Variants in CLASP2 observed in about 807,000 individuals in gnomAD.
The protein encoded by CLASP2 is CLIP-associating protein 2.
In CLASP2, 47 loss-of-function variants were observed where a neutral mutation model predicts 194.4. The ratio of observed to expected loss-of-function variants is 0.24; its 90% CI spans 0.19 to 0.31. The LOEUF (loss-of-function observed/expected upper bound fraction) is 0.31, where lower values mean the gene tolerates loss of function less well. Among genes scored for constraint, CLASP2 ranks in the 10% least tolerant of loss-of-function variants. CLASP2 has a pLI of 1.00. For missense variants in CLASP2, 1,445 were observed against 1,823.6 expected (o/e 0.79, Z 3.78); for synonymous variants, 619 against 633.5 (o/e 0.98, Z 0.34).
At chr3:33,688,565 T>C (rs868478794) in intron 3 of CLASP2, among the ~76,000 whole-genome samples, 197 bp from the exon 4 acceptor site, 2 of 152,212 alleles carry the variant, frequency 1.3e-5, no homozygotes, top group African/African-American at 4.8e-5. Context: ...ATTACCTTAA[T>C]CACATTTTAG....
At position 33,592,388 on chromosome 3, in the gene CLASP2, T is replaced by C. The variant is rs920507706; in HGVS notation, c.2068+7A>G. ...CAAATATAGGAGGGCTGATAAGCAA[T>C]ACATACGCTGTGATTGAGACACCAT... On this transcript the variant is annotated splice_region_variant and intron_variant, in intron 21 of 38. Transcript: ENST00000682230. The C allele has an allele frequency of 1.3e-6, 2 of 1,594,270 alleles. No individual in the cohort carries two copies. The highest frequency in any genetic ancestry group is 2.7e-5 in the African/African-American group (2 of 74,724).
At chr3:33,525,113 C>G (rs1232537094) in intron 34 of CLASP2, among the ~76,000 whole-genome samples, 1 of 151,978 alleles carries the variant, frequency 6.6e-6, no homozygotes, top group Non-Finnish European at 1.5e-5. Flanking sequence ...AAATCAGTAA[C>G]AGAAGTAAAA....
chr3:33,641,042 AT>A (rs1470661312), intron 8 of CLASP2, among the ~76,000 whole-genome samples: 1 of 152,016 alleles, frequency 6.6e-6, no homozygotes. Flanking sequence ...TTGCCCTCTT[AT>A]TAGATAAATG....
intron 1 of CLASP2, among the ~76,000 whole-genome samples, chr3:33,711,758 A>C (rs1329088563): frequency 1.3e-5 from 2 of 152,220 alleles, no homozygotes; most frequent in Non-Finnish European, 2.9e-5. Context: ...CAACTGGCCA[A>C]CAAACATATG....
intron 32 of CLASP2, among the ~76,000 whole-genome samples, chr3:33,541,503 A>T (rs1462140668): frequency 6.6e-6 from 1 of 152,112 alleles, no homozygotes; most frequent in Non-Finnish European, 1.5e-5. Flanking sequence ...GCCCTCTGGT[A>T]GGCCCCAGTG....
intron 7 of CLASP2, among the ~76,000 whole-genome samples, chr3:33,647,311 A>C (rs1434761685): frequency 1.3e-5 from 2 of 151,816 alleles, no homozygotes; most frequent in Non-Finnish European, 2.9e-5. Flanking sequence ...AGTCCTCAAA[A>C]TGTGGCCCCT....
intron 6 of CLASP2, among the ~76,000 whole-genome samples, chr3:33,684,154 A>T (rs1428211061): frequency 6.6e-6 from 1 of 151,688 alleles, no homozygotes; most frequent in Admixed American, 6.6e-5. Flanking sequence ...CTGAGGCAGA[A>T]GAATCACTTG....
chr3:33,537,735 AC>A (rs748756965), intron 33 of CLASP2, among the ~76,000 whole-genome samples: 9 of 152,140 alleles, frequency 5.9e-5, no homozygotes, highest in Non-Finnish European at 1.0e-4. Flanking sequence ...TATTAAAAAA[AC>A]AAAACAAAAC....
At chr3:33,528,891 T>C (rs1026876845) in intron 34 of CLASP2, among the ~76,000 whole-genome samples, 1 of 152,212 alleles carries the variant, frequency 6.6e-6, no homozygotes, top group Non-Finnish European at 1.5e-5. Flanking sequence ...CTATCTCTGT[T>C]TGCAGACAAC....
At chr3:33,544,462 C>T (rs563876106) in intron 31 of CLASP2, among the ~76,000 whole-genome samples, 1 of 152,210 alleles carries the variant, frequency 6.6e-6, no homozygotes, top group South Asian at 2.1e-4. Flanking sequence ...CTTGTTCATA[C>T]CTGGCCACTG....
chr3:33,559,693 G>A (rs1174616388), intron 28 of CLASP2, among the ~76,000 whole-genome samples: 3 of 152,240 alleles, frequency 2.0e-5, no homozygotes, highest in Middle Eastern at 3.4e-3. Context: ...TCAGGAGTTC[G>A]AGACCAGCGT....
chr3:33,593,123 C>T (rs547136005), intron 20 of CLASP2, among the ~76,000 whole-genome samples: 4 of 152,098 alleles, frequency 2.6e-5, no homozygotes, highest in Admixed American at 6.6e-5. Flanking sequence ...TCATACCTCC[C>T]GAACTGCACT....
At chr3:33,517,932 G>A (rs1450564345) in intron 34 of CLASP2, among the ~76,000 whole-genome samples, 1 of 152,198 alleles carries the variant, frequency 6.6e-6, no homozygotes, top group African/African-American at 2.4e-5. Context: ...ATAGGCATGA[G>A]CCACCATGCC....
chr3:33,559,375 GA>G lies in CLASP2; in HGVS notation c.2940del (p.Pro981GlnfsTer9). ...AGAATATTGAACTGAAGATCATTTG[GA>G]AAAGACTCTCTGAAACAAGAACAAA... is the stretch of plus-strand genomic sequence containing the variant. ...QKALDVTRES[F>X]PNDLQFNILM... On this transcript the variant is annotated frameshift_variant, in exon 29 of 39. Coordinates refer to ENST00000682230, the MANE Select transcript of CLASP2 (RefSeq NM_001365631.1). LOFTEE classifies it high-confidence loss of function. 1 of 1,586,628 alleles carries G rather than the reference GA, an allele frequency of 6.3e-7. No individual in the cohort carries two copies. The highest frequency in any genetic ancestry group is 2.3e-5 in the East Asian group (1 of 44,410).
At chr3:33,699,049 T>C (rs2092176452) in intron 1 of CLASP2, among the ~76,000 whole-genome samples, 1 of 152,144 alleles carries the variant, frequency 6.6e-6, no homozygotes, top group African/African-American at 2.4e-5. Context: ...AAAATACAAA[T>C]AATTTTTTAA....
At chr3:33,573,541 A>G (rs2064202352) in intron 24 of CLASP2, 187 bp from the exon 25 acceptor site, 2 of 682,278 alleles carry the variant, frequency 2.9e-6, no homozygotes, top group Non-Finnish European at 5.2e-6. Flanking sequence ...AGTTAGTAGA[A>G]GGTAAAATAA....
intron 22 of CLASP2, among the ~76,000 whole-genome samples, chr3:33,582,691 G>A (rs1341180238): frequency 6.6e-5 from 10 of 152,018 alleles, no homozygotes; most frequent in African/African-American, 2.4e-4. Flanking sequence ...GAAAAAATAA[G>A]CCAATGCTTT....
At chr3:33,588,607 C>T (rs924234110) in intron 21 of CLASP2, 6 of 662,780 alleles carry the variant, frequency 9.1e-6, no homozygotes, top group Non-Finnish European at 1.4e-5. Flanking sequence ...AAATGATAGA[C>T]TATGACGTTA....
chr3:33,680,335 A>G (rs1249957299), intron 6 of CLASP2, among the ~76,000 whole-genome samples: 1 of 152,238 alleles, frequency 6.6e-6, no homozygotes, highest in African/African-American at 2.4e-5. Flanking sequence ...GGTCACCCCT[A>G]GTGCAAACTA....
Sources: allele counts gnomAD v4.1 joint callset (sites outside exome capture counted in the v4.1 genomes callset), GRCh38; gene constraint gnomAD v4.1.1; transcripts MANE v1.5; gene names NCBI Gene and HGNC (gene_info 2026-07-23, HGNC 2026-07-21).